The following TNFSF4 variants were observed in gnomAD, a reference collection of about 807,000 sequenced individuals.
TNFSF4 encodes tumor necrosis factor ligand superfamily member 4.
Under a neutral mutation model 7.3 loss-of-function variants are expected in TNFSF4, and 4 were observed. The observed-to-expected ratio is 0.55, with a 90% confidence interval of 0.27 to 1.25. TNFSF4 has a LOEUF of 1.25. Among genes scored for constraint, TNFSF4 ranks in the 50% most tolerant of loss-of-function variants. The pLI, the probability that TNFSF4 is intolerant of heterozygous loss-of-function variation, is 0.12. For missense variants in TNFSF4, 181 were observed against 208.8 expected (o/e 0.87, Z 0.82); for synonymous variants, 76 against 83.7 (o/e 0.91, Z 0.50).
At chr1:173,240,810 C>T in the TNFSF4 span, among the ~76,000 whole-genome samples, 2 of 152,174 alleles carry the variant, frequency 1.3e-5, no homozygotes, top group African/African-American at 4.8e-5. Flanking sequence ...GCATGAGGAA[C>T]CCAGTCCCCT....
the TNFSF4 span, among the ~76,000 whole-genome samples, chr1:173,215,499 T>A: frequency 1.2e-4 from 18 of 152,230 alleles, no homozygotes; most frequent in African/African-American, 3.6e-4. Flanking sequence ...GATGTCCTTA[T>A]AAGAATATTC....
the TNFSF4 span, among the ~76,000 whole-genome samples, chr1:173,344,896 A>C: frequency 6.6e-6 from 1 of 152,224 alleles, no homozygotes; most frequent in African/African-American, 2.4e-5. Flanking sequence ...TGGCAAAGTC[A>C]TCTATAGAAG....
At chr1:173,244,966 G>A in the TNFSF4 span, among the ~76,000 whole-genome samples, 46 of 151,736 alleles carry the variant, frequency 3.0e-4, no homozygotes, top group African/African-American at 1.0e-3. Context: ...AACCTGATGC[G>A]ATCTTAATTT....
chr1:173,270,109 T>C, the TNFSF4 span, among the ~76,000 whole-genome samples: 1 of 152,148 alleles, frequency 6.6e-6, no homozygotes, highest in Non-Finnish European at 1.5e-5. Context: ...CTCAATTGTC[T>C]TTTGACTTGA....
At chr1:173,312,952 C>T in the TNFSF4 span, among the ~76,000 whole-genome samples, 1 of 152,116 alleles carries the variant, frequency 6.6e-6, no homozygotes, top group Admixed American at 6.6e-5. Flanking sequence ...GACACAAGGC[C>T]TGCAGATTCA....
intron 1 of TNFSF4, among the ~76,000 whole-genome samples, chr1:173,202,050 T>G (rs1224447854): frequency 6.7e-6 from 1 of 148,150 alleles, no homozygotes; most frequent in Non-Finnish European, 1.5e-5. Context: ...AATTGCTATA[T>G]ATATATACAT....
chr1:173,208,677 T>C (rs1481468392), upstream of TNFSF4, among the ~76,000 whole-genome samples: 1 of 152,156 alleles, frequency 6.6e-6, no homozygotes, highest in Non-Finnish European at 1.5e-5. Context: ...AACATATTTG[T>C]CATAGTTATT....
chr1:173,266,729 C>T, the TNFSF4 span, among the ~76,000 whole-genome samples: 2 of 151,942 alleles, frequency 1.3e-5, no homozygotes, highest in African/African-American at 2.4e-5. Context: ...CAGTGTCAAA[C>T]GTTTAGGGAG....
chr1:173,336,591 T>C, the TNFSF4 span, among the ~76,000 whole-genome samples: 197 of 152,310 alleles, frequency 1.3e-3, 1 homozygote, highest in African/African-American at 4.2e-3. Flanking sequence ...CAACTCTCTC[T>C]GGCCCAGTGT....
chr1:173,187,355 C>T (rs16845558), intron 2 of TNFSF4, among the ~76,000 whole-genome samples: 16,105 of 152,232 alleles, frequency 0.11, 1,008 homozygotes, highest in Admixed American at 0.16. Flanking sequence ...AGTGGTGCCC[C>T]ATGCCTTAGC....
chr1:173,442,188 T>TC, the TNFSF4 span: 2 of 152,106 alleles, frequency 1.3e-5, no homozygotes, highest in Non-Finnish European at 2.9e-5. Context: ...GATTTCAAGC[T>TC]CCCCCTGTGA....
chr1:173,345,774 G>A, the TNFSF4 span, among the ~76,000 whole-genome samples: 2 of 152,324 alleles, frequency 1.3e-5, no homozygotes, highest in South Asian at 2.1e-4. Flanking sequence ...GAGAGTCTCA[G>A]TCATCAACAG....
chr1:173,399,246 T>C, the TNFSF4 span, among the ~76,000 whole-genome samples: 2 of 152,172 alleles, frequency 1.3e-5, no homozygotes, highest in Non-Finnish European at 2.9e-5. Context: ...AACCTGCACC[T>C]ATACCCTCAT....
downstream of TNFSF4, among the ~76,000 whole-genome samples, chr1:173,181,357 A>G (rs11806687): frequency 0.18 from 27,897 of 152,162 alleles, 2,731 homozygotes; most frequent in Middle Eastern, 0.26. Flanking sequence ...GAGAAAAATC[A>G]GGTCTTATGT....
the TNFSF4 span, among the ~76,000 whole-genome samples, chr1:173,421,995 G>A: frequency 6.6e-6 from 1 of 152,052 alleles, no homozygotes; most frequent in African/African-American, 2.4e-5. Flanking sequence ...AGGATTTACT[G>A]TCCTGCACAT....
At chr1:173,286,274 T>C in the TNFSF4 span, among the ~76,000 whole-genome samples, 89 of 152,320 alleles carry the variant, frequency 5.8e-4, no homozygotes, top group Non-Finnish European at 1.1e-3. Context: ...AAAATGTATA[T>C]AGAAATGTAA....
chr1:173,189,537 AG>A (rs1275884623), intron 1 of TNFSF4, among the ~76,000 whole-genome samples: 1 of 152,244 alleles, frequency 6.6e-6, no homozygotes, highest in Non-Finnish European at 1.5e-5. Context: ...CTAAAAGAGA[AG>A]TAAAACAGTG....
At chr1:173,395,377 AATATATATATATATATATATATAT>A in the TNFSF4 span, among the ~76,000 whole-genome samples, 4,444 of 63,266 alleles carry the variant, frequency 0.07, 269 homozygotes, top group Non-Finnish European at 0.1. Context: ...CTGTGTATAT[AATATATATATATATATATATATAT>A]ATATATATAT....
At chr1:173,228,557 C>A in the TNFSF4 span, among the ~76,000 whole-genome samples, 1 of 152,136 alleles carries the variant, frequency 6.6e-6, no homozygotes, top group African/African-American at 2.4e-5. Context: ...TCCTCGCCAG[C>A]AATGGAACAA....
Sources: gnomAD v4.1 joint callset for allele counts (sites outside exome capture counted in the v4.1 genomes callset) on GRCh38, gnomAD v4.1.1 for gene constraint, MANE v1.5 for transcripts, NCBI Gene and HGNC (gene_info 2026-07-23, HGNC 2026-07-21) for gene names.